MINDY4B: variants seen among roughly 807,000 people sequenced by gnomAD.
MINDY4B encodes the protein MINDY family member 4B, also known as inactive ubiquitin carboxyl-terminal hydrolase MINDY-4B.
In MINDY4B, 25 loss-of-function variants were observed where a neutral mutation model predicts 16.7. The ratio of observed to expected loss-of-function variants is 1.49; its 90% CI spans 1.09 to 2.09. The LOEUF (loss-of-function observed/expected upper bound fraction) is 2.09. MINDY4B is among the 30% of genes most tolerant of loss of function. The probability of loss-of-function intolerance (pLI) is 0.00; values close to 1 mark genes in which losing one functional copy is unlikely to be tolerated. For missense variants in MINDY4B, 327 were observed against 168.4 expected, an observed-to-expected ratio of 1.94 and a Z score of -5.21; for synonymous variants, 132 against 61.9, an observed-to-expected ratio of 2.13 and a Z score of -5.32.
chr3:150,893,992 A>G (rs985868203), intron 4 of MINDY4B, among the ~76,000 whole-genome samples, 194 bp downstream of exon 4: 34 of 152,182 alleles, frequency 2.2e-4, no homozygotes, highest in Non-Finnish European at 3.7e-4. Context: ...CACCCAGCCC[A>G]TATCAGATTT....
intron 8 of MINDY4B, among the ~76,000 whole-genome samples, chr3:150,884,458 C>T (rs556523903): frequency 3.5e-4 from 53 of 152,298 alleles, no homozygotes; most frequent in African/African-American, 1.2e-3. Flanking sequence ...CAGGATAATG[C>T]TTCTCAAAGG....
At chr3:150,872,545 T>C (rs1716994268) in intron 11 of MINDY4B, among the ~76,000 whole-genome samples, 1 of 152,216 alleles carries the variant, frequency 6.6e-6, no homozygotes, top group South Asian at 2.1e-4. Context: ...ATGACCGAAA[T>C]GATCTGTTCG....
At chr3:150,886,461 C>A (rs1711625786) in intron 7 of MINDY4B, among the ~76,000 whole-genome samples, 1 of 152,132 alleles carries the variant, frequency 6.6e-6, no homozygotes, top group Admixed American at 6.6e-5. Flanking sequence ...AGGGGTGAGG[C>A]CTGATGCAAA....
chr3:150,885,359 A>G lies in MINDY4B; in HGVS notation c.824+9T>C, dbSNP rs1157162737. The G allele has an allele frequency of 1.4e-6, 1 of 702,582 alleles. No homozygotes were observed. Among genetic ancestry groups the G allele is most frequent in the Non-Finnish European group, 2.6e-6 (1 of 384,806 alleles). 43.5% of individuals were successfully genotyped at this position (702,582 alleles called of 1,614,324 possible). ...AGAAAATACCTGTGTAAACATCTGT[A>G]GAATTTACCTTTCAAATGTTCTAGA... On this transcript the variant is annotated intron_variant, in intron 8 of 11. Transcript: ENST00000465419.
At chr3:150,879,441 A>T (rs1711503662) in intron 10 of MINDY4B, among the ~76,000 whole-genome samples, 1 of 152,148 alleles carries the variant, frequency 6.6e-6, no homozygotes, top group African/African-American at 2.4e-5. Flanking sequence ...CCACTTCAAA[A>T]TTTCAGTGCT....
At chr3:150,899,851 C>A (rs1024883837) in intron 3 of MINDY4B, among the ~76,000 whole-genome samples, 1 of 152,208 alleles carries the variant, frequency 6.6e-6, no homozygotes, top group African/African-American at 2.4e-5. Context: ...TATGGGGGGA[C>A]ACCCGGCTGT....
intron 3 of MINDY4B, among the ~76,000 whole-genome samples, chr3:150,895,448 G>T (rs1392465951): frequency 6.6e-6 from 1 of 151,738 alleles, no homozygotes; most frequent in Non-Finnish European, 1.5e-5. Flanking sequence ...TTGGTGCTTT[G>T]GTCTCACAGC....
At chr3:150,878,691 C>T (rs1174953787) in intron 10 of MINDY4B, among the ~76,000 whole-genome samples, 1 of 152,186 alleles carries the variant, frequency 6.6e-6, no homozygotes, top group Admixed American at 6.5e-5. Context: ...GCCCCACTTC[C>T]AGTTTGTGAG....
intron 8 of MINDY4B, among the ~76,000 whole-genome samples, chr3:150,884,199 G>A (rs781759153): frequency 1.3e-5 from 2 of 152,200 alleles, no homozygotes; most frequent in Admixed American, 6.5e-5. Flanking sequence ...GGCTGAGCCC[G>A]TTTCTTGGCT....
At chr3:150,900,750 T>G (rs1712094245) in intron 3 of MINDY4B, among the ~76,000 whole-genome samples, 1 of 152,206 alleles carries the variant, frequency 6.6e-6, no homozygotes, top group Non-Finnish European at 1.5e-5. Flanking sequence ...AACATTACCT[T>G]GGCATAGTCA....
chr3:150,875,810 C>T (rs748369187), intron 10 of MINDY4B, among the ~76,000 whole-genome samples: 5 of 152,098 alleles, frequency 3.3e-5, no homozygotes, highest in African/African-American at 4.8e-5. Flanking sequence ...TATTAAGAGG[C>T]GAGCCTTAAG....
chr3:150,885,950 A>C (rs1029859637), intron 7 of MINDY4B, among the ~76,000 whole-genome samples: 1 of 152,224 alleles, frequency 6.6e-6, no homozygotes, highest in African/African-American at 2.4e-5. Flanking sequence ...GGATAAAAAG[A>C]ACTTTTCTCC....
At chr3:150,895,296 T>C (rs1436755224) in intron 3 of MINDY4B, among the ~76,000 whole-genome samples, 1 of 152,232 alleles carries the variant, frequency 6.6e-6, no homozygotes, top group Non-Finnish European at 1.5e-5. Context: ...ATCATCCTTA[T>C]GATTTCTATC....
intron 7 of MINDY4B, among the ~76,000 whole-genome samples, chr3:150,888,067 A>G (rs1711673778): frequency 6.6e-6 from 1 of 152,118 alleles, no homozygotes; most frequent in Admixed American, 6.5e-5. Flanking sequence ...AGATCGCACC[A>G]CTGTACTCCA....
rs953833312 is a variant in MINDY4B at position 150,871,155 on chromosome 3, G to C, written c.1273C>G (p.Gln425Glu). 1.4e-6 allele frequency: 1 copy of C among 702,794 alleles called. No individual in the cohort carries two copies. Among genetic ancestry groups the C allele is most frequent in the Non-Finnish European group, 2.6e-6 (1 of 384,824 alleles). 43.5% of individuals were successfully genotyped at this position (702,794 alleles called of 1,614,324 possible). The change falls in exon 12 of 12, where the codon CAG becomes GAG. Residue 425 changes from glutamine to glutamate, a missense_variant. Coordinates refer to ENST00000465419, the MANE Select transcript of MINDY4B (RefSeq NM_001351281.2). ...CGTCTTGGTCCATGTTTCTCTTCCT[G>C]TTGGTCTCTTTCCCAGTGATGGGAG... Reference protein sequence around the residue: ...THSHHWERDQQEEKHGPRRRF... With the variant: ...THSHHWERDQEEEKHGPRRRF...
intron 9 of MINDY4B, 143 bp downstream of exon 9, chr3:150,883,557 G>A (rs1362897702): frequency 1.6e-6 from 1 of 612,340 alleles, no homozygotes; most frequent in Non-Finnish European, 2.9e-6. Context: ...TAACCGGATT[G>A]CTCTTTACTT....
At chr3:150,902,791 GTTTC>G (rs1388206741) in intron 3 of MINDY4B, among the ~76,000 whole-genome samples, 1 of 152,176 alleles carries the variant, frequency 6.6e-6, no homozygotes, top group East Asian at 1.9e-4. Context: ...CCAGAAAACT[GTTTC>G]TTTCTTGAGA....
chr3:150,894,019 G>C (rs970796736), intron 4 of MINDY4B, among the ~76,000 whole-genome samples, 167 bp downstream of exon 4: 2 of 152,112 alleles, frequency 1.3e-5, no homozygotes, highest in Non-Finnish European at 2.9e-5. Context: ...TTGTTACAAA[G>C]TAATTTTAAA....
At chr3:150,880,567 A>G (rs1711514263) in intron 10 of MINDY4B, among the ~76,000 whole-genome samples, 1 of 152,278 alleles carries the variant, frequency 6.6e-6, no homozygotes, top group Non-Finnish European at 1.5e-5. Context: ...AAAGAAAAAC[A>G]TTAAGCAAAT....
Sources: gnomAD v4.1 joint callset for allele counts (sites outside exome capture counted in the v4.1 genomes callset) on GRCh38, gnomAD v4.1.1 for gene constraint, MANE v1.5 for transcripts, NCBI Gene and HGNC (gene_info 2026-07-23, HGNC 2026-07-21) for gene names.